Variants in GPHN observed in about 807,000 individuals in gnomAD.
GPHN encodes the protein gephyrin.
GPHN carries 17 observed loss-of-function variants against 95.5 expected under a neutral mutation model. That is an observed-to-expected ratio of 0.18 (90% CI 0.12 to 0.27). The LOEUF is 0.27. Among genes scored for constraint, GPHN ranks in the 10% least tolerant of loss-of-function variants. The pLI, the probability that GPHN is intolerant of heterozygous loss-of-function variation, is 1.00. For synonymous variants in GPHN, 320 were observed against 322.5 expected (o/e 0.99, Z 0.08); for missense variants, 660 against 978.1 (o/e 0.67, Z 4.34).
chr14:67,325,286 A>G, the GPHN span, among the ~76,000 whole-genome samples: 16 of 152,108 alleles, frequency 1.1e-4, no homozygotes, highest in South Asian at 2.1e-4. Flanking sequence ...TTTTCACTCT[A>G]TGTCTACTTA....
At chr14:67,280,845 TTCCTTCCTTCCCTCCC>T in the GPHN span, among the ~76,000 whole-genome samples, 2 of 113,320 alleles carry the variant, frequency 1.8e-5, no homozygotes, top group African/African-American at 4.3e-5. Context: ...CCTTCCTTCC[TTCCTTCCTTCCCTCCC>T]TCCCTCCCTC....
chr14:66,901,063 C>CT (rs1388578157), intron 5 of GPHN, among the ~76,000 whole-genome samples: 1 of 152,014 alleles, frequency 6.6e-6, no homozygotes, highest in African/African-American at 2.4e-5. Flanking sequence ...TACTGCCTGT[C>CT]TTTTTGATAA....
chr14:67,612,329 T>C, the GPHN span, among the ~76,000 whole-genome samples: 1,342 of 152,306 alleles, frequency 8.8e-3, 22 homozygotes, highest in African/African-American at 0.031. Flanking sequence ...TGTAAATATG[T>C]GCTGGGAGCC....
intron 4 of GPHN, among the ~76,000 whole-genome samples, chr14:66,877,970 A>G (rs1170701291): frequency 6.6e-6 from 1 of 152,216 alleles, no homozygotes; most frequent in Non-Finnish European, 1.5e-5. Context: ...CCTGACTTCA[A>G]ACTATACTAC....
At chr14:67,222,999 C>CTTTTTTT in the GPHN span, among the ~76,000 whole-genome samples, 1 of 124,810 alleles carries the variant, frequency 8.0e-6, no homozygotes, top group Non-Finnish European at 1.7e-5. Context: ...TCCCATTGGG[C>CTTTTTTT]TTTTTTTTTT....
chr14:67,011,647 C>T (rs916360096), intron 9 of GPHN, among the ~76,000 whole-genome samples: 3 of 150,984 alleles, frequency 2.0e-5, no homozygotes, highest in Non-Finnish European at 2.9e-5. Flanking sequence ...TATGTTGACC[C>T]GGCATTTGAA....
intron 2 of GPHN, among the ~76,000 whole-genome samples, chr14:66,742,023 A>G (rs1375068348): frequency 1.3e-5 from 2 of 152,188 alleles, no homozygotes; most frequent in Non-Finnish European, 2.9e-5. Flanking sequence ...CACAATTCCA[A>G]GGGATACATG....
At chr14:67,697,127 A>AGTATAG in the GPHN span, among the ~76,000 whole-genome samples, 189 of 152,360 alleles carry the variant, frequency 1.2e-3, no homozygotes, top group Non-Finnish European at 2.3e-3. Context: ...CACTGTGCTG[A>AGTATAG]TGTCCAGCAG....
intron 2 of GPHN, among the ~76,000 whole-genome samples, chr14:66,758,758 A>T (rs180977557): frequency 6.6e-6 from 1 of 152,264 alleles, no homozygotes; most frequent in African/African-American, 2.4e-5. Flanking sequence ...ATTTATTTCT[A>T]TCACCTGGCA....
chr14:67,621,397 T>C, the GPHN span, among the ~76,000 whole-genome samples: 1 of 152,200 alleles, frequency 6.6e-6, no homozygotes, highest in Non-Finnish European at 1.5e-5. Context: ...ATATAGGTCT[T>C]ATAGGCTCAC....
At chr14:67,673,187 AC>A in the GPHN span, among the ~76,000 whole-genome samples, 1 of 152,320 alleles carries the variant, frequency 6.6e-6, no homozygotes, top group Admixed American at 6.5e-5. Context: ...TACTAAAAAT[AC>A]AAAAATAATT....
At chr14:66,653,679 C>T (rs2065166222) in intron 1 of GPHN, among the ~76,000 whole-genome samples, 1 of 152,188 alleles carries the variant, frequency 6.6e-6, no homozygotes, top group Admixed American at 6.5e-5. Context: ...TAAGTGGAAT[C>T]ACACCACATG....
chr14:67,394,670 G>A, the GPHN span, among the ~76,000 whole-genome samples: 1 of 152,152 alleles, frequency 6.6e-6, no homozygotes, highest in South Asian at 2.1e-4. Context: ...TTGCCTGGGA[G>A]GTTGGTGGAG....
At chr14:67,208,040 C>G in the GPHN span, 1 of 625,686 alleles carries the variant, frequency 1.6e-6, no homozygotes, top group African/African-American at 2.0e-5. Context: ...CGGGGCTCTC[C>G]CAATGGTCGT....
intron 5 of GPHN, among the ~76,000 whole-genome samples, chr14:66,893,035 G>C (rs1039971347): frequency 6.6e-6 from 1 of 152,130 alleles, no homozygotes; most frequent in African/African-American, 2.4e-5. Context: ...GGTATACTGG[G>C]TTTCAAAAGA....
intron 4 of GPHN, among the ~76,000 whole-genome samples, chr14:66,841,660 G>T (rs1182117524): frequency 6.6e-6 from 1 of 152,154 alleles, no homozygotes; most frequent in Non-Finnish European, 1.5e-5. Context: ...GTAGGTTTGA[G>T]GGGGAAGATC....
intron 19 of GPHN, among the ~76,000 whole-genome samples, chr14:67,163,997 G>A (rs571353493): frequency 2.0e-5 from 3 of 151,936 alleles, no homozygotes; most frequent in Non-Finnish European, 2.9e-5. Context: ...GGCTGGGTGC[G>A]GTGGCTTACA....
the GPHN span, among the ~76,000 whole-genome samples, chr14:67,709,166 A>G: frequency 6.6e-6 from 1 of 152,248 alleles, no homozygotes; most frequent in South Asian, 2.1e-4. Flanking sequence ...TTTGTCAAAT[A>G]TCAAAGGTTT....
chr14:67,675,211 T>C, the GPHN span, among the ~76,000 whole-genome samples: 1 of 152,032 alleles, frequency 6.6e-6, no homozygotes, highest in Non-Finnish European at 1.5e-5. Context: ...TCCCCAAGCT[T>C]TCAGAAGTGG....
Sources: allele counts gnomAD v4.1 joint callset (sites outside exome capture counted in the v4.1 genomes callset), GRCh38; gene constraint gnomAD v4.1.1; transcripts MANE v1.5; gene names NCBI Gene and HGNC (gene_info 2026-07-23, HGNC 2026-07-21).